The following FAM174A variants were observed in gnomAD, a reference collection of about 807,000 sequenced individuals.
FAM174A encodes membrane protein FAM174A.
Under a neutral mutation model 14.3 loss-of-function variants are expected in FAM174A, and 14 were observed. The ratio of observed to expected loss-of-function variants is 0.98; its 90% CI spans 0.65 to 1.53. The LOEUF is 1.53. Ranked by LOEUF, FAM174A falls within the 40% of genes most tolerant of loss-of-function variation. The pLI, the probability that FAM174A is intolerant of heterozygous loss-of-function variation, is 0.00. For missense variants in FAM174A, 241 were observed against 249.6 expected, an observed-to-expected ratio of 0.97 and a Z score of 0.23; for synonymous variants, 108 against 111.4, an observed-to-expected ratio of 0.97 and a Z score of 0.19.
At chr5:100,576,816 AT>A (rs1352168664) in intron 2 of FAM174A, among the ~76,000 whole-genome samples, 1 of 152,122 alleles carries the variant, frequency 6.6e-6, no homozygotes, top group Non-Finnish European at 1.5e-5. Context: ...GTTAGAGGCA[AT>A]TTTTTTGTTT....
At chr5:100,580,928 T>G (rs1170372253) in intron 2 of FAM174A, among the ~76,000 whole-genome samples, 5 of 152,040 alleles carry the variant, frequency 3.3e-5, no homozygotes, top group Admixed American at 2.6e-4. Flanking sequence ...TTGTTTTTGT[T>G]GTTTGTTTGT....
chr5:100,554,781 C>G (rs1232566893), intron 1 of FAM174A, among the ~76,000 whole-genome samples: 1 of 152,012 alleles, frequency 6.6e-6, no homozygotes, highest in Non-Finnish European at 1.5e-5. Flanking sequence ...ATCTATCTGT[C>G]TATCTATCTA....
chr5:100,568,565 C>CTCCTGGGT (rs1746712046), intron 2 of FAM174A, among the ~76,000 whole-genome samples: 1 of 149,116 alleles, frequency 6.7e-6, no homozygotes. Context: ...CAGTTTATCT[C>CTCCTGGGT]TCCTGGGTTC....
chr5:100,550,660 A>T (rs1349572648), intron 1 of FAM174A, among the ~76,000 whole-genome samples: 3 of 152,160 alleles, frequency 2.0e-5, no homozygotes, highest in Non-Finnish European at 4.4e-5. Flanking sequence ...AACTTTTCAT[A>T]AGCACTTTAA....
At chr5:100,557,204 G>T (rs1342473159) in intron 1 of FAM174A, among the ~76,000 whole-genome samples, 3 of 146,294 alleles carry the variant, frequency 2.1e-5, no homozygotes, top group Admixed American at 7.1e-5. Flanking sequence ...AGATAATCAT[G>T]TGGTTTCTGT....
chr5:100,584,809 AT>A (rs1249383330), intron 2 of FAM174A, among the ~76,000 whole-genome samples: 1 of 152,132 alleles, frequency 6.6e-6, no homozygotes, highest in African/African-American at 2.4e-5. Context: ...TGGATTCATT[AT>A]TCTGGAAATG....
intron 2 of FAM174A, among the ~76,000 whole-genome samples, chr5:100,578,151 C>T (rs1746938300): frequency 6.6e-6 from 1 of 152,016 alleles, no homozygotes; most frequent in Non-Finnish European, 1.5e-5. Context: ...TGATAGAAAA[C>T]TGAGCATTTT....
intron 1 of FAM174A, among the ~76,000 whole-genome samples, chr5:100,542,962 G>A (rs1746091553): frequency 6.6e-6 from 1 of 151,958 alleles, no homozygotes; most frequent in African/African-American, 2.4e-5. Flanking sequence ...GTATAGCAGT[G>A]CAGGCCTGTA....
At chr5:100,578,317 T>A (rs1470837787) in intron 2 of FAM174A, among the ~76,000 whole-genome samples, 3 of 152,196 alleles carry the variant, frequency 2.0e-5, no homozygotes, top group African/African-American at 7.2e-5. Flanking sequence ...CTCTTGAATC[T>A]TGATTCCTCC....
chr5:100,569,254 T>C (rs1018886328), intron 2 of FAM174A, among the ~76,000 whole-genome samples: 8 of 151,884 alleles, frequency 5.3e-5, no homozygotes, highest in African/African-American at 1.7e-4. Context: ...TTTGATATTT[T>C]CTATAAGTCA....
chr5:100,581,266 A>T, intron 2 of FAM174A: 1 of 587,940 alleles, frequency 1.7e-6, no homozygotes, highest in Non-Finnish European at 2.1e-6. Flanking sequence ...TCTACCTTCT[A>T]CAACTTCTAT....
chr5:100,537,058 C>G (rs576595590), intron 1 of FAM174A, among the ~76,000 whole-genome samples: 1 of 152,150 alleles, frequency 6.6e-6, no homozygotes, highest in Non-Finnish European at 1.5e-5. Context: ...CACATTGCAA[C>G]TAATCTTTAA....
At chr5:100,572,721 C>T (rs532376516) in intron 2 of FAM174A, among the ~76,000 whole-genome samples, 9 of 152,112 alleles carry the variant, frequency 5.9e-5, no homozygotes, top group South Asian at 2.1e-4. Flanking sequence ...TACATGTGCA[C>T]GTGTCTCTAT....
chr5:100,542,732 G>A (rs1195501794), intron 1 of FAM174A, among the ~76,000 whole-genome samples: 5 of 152,062 alleles, frequency 3.3e-5, no homozygotes, highest in South Asian at 2.1e-4. Context: ...AGTGGCTTAC[G>A]TTTGTAATCC....
rs1561316682 is a variant in FAM174A, at chr5:100,556,399, G to A, written c.435-5655G>A. Reference sequence around the variant, plus strand: ...ATGATGCCTCCAGCTTTCTTCTTTTGGCTTAGGATTGACTTGGCGATGTGG... The same window carrying A: ...ATGATGCCTCCAGCTTTCTTCTTTTAGCTTAGGATTGACTTGGCGATGTGG... On this transcript the variant is annotated intron_variant, in intron 1 of 2. Transcript: ENST00000312637. Among the ~76,000 whole-genome samples the A allele has an allele frequency of 2.0e-5, 3 of 152,082 alleles. No homozygotes were observed. In the South Asian group the frequency reaches 6.2e-4, roughly 31 times the overall value.
chr5:100,568,823 A>G (rs1374383408), intron 2 of FAM174A, among the ~76,000 whole-genome samples: 1 of 151,864 alleles, frequency 6.6e-6, no homozygotes, highest in Non-Finnish European at 1.5e-5. Flanking sequence ...TTCATAAATA[A>G]TTTGGCTTAG....
At chr5:100,562,791 T>A (rs746878379) in intron 2 of FAM174A, among the ~76,000 whole-genome samples, 1 of 151,886 alleles carries the variant, frequency 6.6e-6, no homozygotes, top group Non-Finnish European at 1.5e-5. Flanking sequence ...TACTGAGATC[T>A]ATTCTCAGTA....
intron 2 of FAM174A, 91 bp downstream of exon 2, chr5:100,562,279 T>G (rs1301097755): frequency 8.4e-7 from 1 of 1,190,464 alleles, no homozygotes; most frequent in Non-Finnish European, 1.2e-6. Flanking sequence ...ATTTAACAGC[T>G]TATATTCCAA....
At chr5:100,585,829 G>A (rs1747115471) in intron 2 of FAM174A, among the ~76,000 whole-genome samples, 2 of 152,058 alleles carry the variant, frequency 1.3e-5, no homozygotes, top group South Asian at 2.1e-4. Flanking sequence ...GTGGTACTAT[G>A]CAGTTCAAAC....
Sources: gnomAD v4.1 joint callset for allele counts (sites outside exome capture counted in the v4.1 genomes callset) on GRCh38, gnomAD v4.1.1 for gene constraint, MANE v1.5 for transcripts, NCBI Gene and HGNC (gene_info 2026-07-23, HGNC 2026-07-21) for gene names.